Variants in IGSF21 observed in about 807,000 individuals in gnomAD.
The protein encoded by IGSF21 is immunoglobulin superfamily member 21.
IGSF21 carries 28 observed loss-of-function variants against 46.8 expected under a neutral mutation model. The observed-to-expected ratio is 0.60, with a 90% CI of 0.44 to 0.82. The LOEUF (loss-of-function observed/expected upper bound fraction) is 0.82. IGSF21 is among the 40% of genes least tolerant of loss of function. The probability of loss-of-function intolerance (pLI) is 0.00; values close to 1 mark genes in which losing one functional copy is unlikely to be tolerated. For synonymous variants in IGSF21, 284 were observed against 273.6 expected (o/e 1.04, Z -0.38); for missense variants, 624 against 665.5 (o/e 0.94, Z 0.69).
chr1:18,178,187 C>T (rs890549891), intron 1 of IGSF21, among the ~76,000 whole-genome samples: 3 of 152,144 alleles, frequency 2.0e-5, no homozygotes, highest in Non-Finnish European at 4.4e-5. Flanking sequence ...CCATCGTGTC[C>T]TGTTGACCTG....
intron 6 of IGSF21, among the ~76,000 whole-genome samples, chr1:18,366,445 C>T (rs1166377774): frequency 6.6e-6 from 1 of 151,900 alleles, no homozygotes; most frequent in Non-Finnish European, 1.5e-5. Context: ...TCATGGCATG[C>T]TCAGGGGAGT....
At chr1:18,260,318 T>C (rs2084934799) in intron 2 of IGSF21, among the ~76,000 whole-genome samples, 1 of 152,218 alleles carries the variant, frequency 6.6e-6, no homozygotes, top group Non-Finnish European at 1.5e-5. Flanking sequence ...CAGGAGAGCT[T>C]TGTCTTATCT....
At chr1:18,243,073 A>T (rs1265707030) in intron 2 of IGSF21, among the ~76,000 whole-genome samples, 1 of 152,180 alleles carries the variant, frequency 6.6e-6, no homozygotes, top group Non-Finnish European at 1.5e-5. Flanking sequence ...GAGGGCAATC[A>T]GGGACCTATG....
chr1:18,168,240 A>C (rs1422418022), intron 1 of IGSF21, among the ~76,000 whole-genome samples: 1 of 152,182 alleles, frequency 6.6e-6, no homozygotes, highest in Non-Finnish European at 1.5e-5. Context: ...TATATATAAT[A>C]ACCCTTAAAC....
chr1:18,148,287 T>C (rs9727479), intron 1 of IGSF21, among the ~76,000 whole-genome samples: 142,303 of 151,714 alleles, frequency 0.94, 67,275 homozygotes, highest in Non-Finnish European at 1. Context: ...CCCACCACCA[T>C]GCCCAGCTAA....
At chr1:18,161,175 C>T (rs2086618137) in intron 1 of IGSF21, among the ~76,000 whole-genome samples, 2 of 152,162 alleles carry the variant, frequency 1.3e-5, no homozygotes, top group Non-Finnish European at 2.9e-5. Flanking sequence ...TTTAGCACGG[C>T]CAGCCTCAGC....
At chr1:18,126,034 T>A (rs1162032214) in intron 1 of IGSF21, among the ~76,000 whole-genome samples, 1 of 152,046 alleles carries the variant, frequency 6.6e-6, no homozygotes, top group Non-Finnish European at 1.5e-5. Context: ...GAGAGCTGAG[T>A]GGGGCCTTGA....
At chr1:18,177,396 T>TG (rs1557573385) in intron 1 of IGSF21, among the ~76,000 whole-genome samples, 1 of 33,082 alleles carries the variant, frequency 3.0e-5, no homozygotes, top group Non-Finnish European at 8.3e-5. Flanking sequence ...CAGTGAGGTG[T>TG]GTGTGTGTGT....
intron 3 of IGSF21, among the ~76,000 whole-genome samples, chr1:18,318,791 GT>G (rs1272489425): frequency 6.6e-6 from 1 of 152,142 alleles, no homozygotes; most frequent in Non-Finnish European, 1.5e-5. Context: ...TTAAAACTAT[GT>G]TTTTAATTAA....
intron 1 of IGSF21, among the ~76,000 whole-genome samples, chr1:18,184,778 T>A (rs757946568): frequency 6.6e-6 from 1 of 152,162 alleles, no homozygotes; most frequent in Non-Finnish European, 1.5e-5. Flanking sequence ...CCACCAGTTA[T>A]CCCTTATATG....
intron 1 of IGSF21, among the ~76,000 whole-genome samples, chr1:18,158,995 G>T (rs555391026): frequency 1.3e-5 from 2 of 152,258 alleles, no homozygotes; most frequent in African/African-American, 4.8e-5. Flanking sequence ...GCTCTGCTAG[G>T]GTGGCACCTC....
At chr1:18,323,824 G>C (rs943034305) in intron 3 of IGSF21, among the ~76,000 whole-genome samples, 1 of 152,166 alleles carries the variant, frequency 6.6e-6, no homozygotes, top group Non-Finnish European at 1.5e-5. Flanking sequence ...TTTCAGGTTG[G>C]GGGGCGGTGA....
intron 4 of IGSF21, among the ~76,000 whole-genome samples, chr1:18,344,211 C>A (rs2085870539): frequency 6.6e-6 from 1 of 152,190 alleles, no homozygotes; most frequent in African/African-American, 2.4e-5. Flanking sequence ...CTCTGTCACC[C>A]AGGCTGGAGT....
At chr1:18,223,929 C>G (rs2084536564) in intron 1 of IGSF21, among the ~76,000 whole-genome samples, 1 of 152,194 alleles carries the variant, frequency 6.6e-6, no homozygotes, top group African/African-American at 2.4e-5. Context: ...CATTTCTCCT[C>G]CTGGCTGCTA....
intron 1 of IGSF21, 44 bp downstream of exon 1, chr1:18,108,242 G>A: frequency 7.6e-7 from 1 of 1,318,884 alleles, no homozygotes; most frequent in Non-Finnish European, 9.6e-7. Context: ...GTGAACGTGC[G>A]CGGGGACGGG....
At chr1:18,145,764 CT>C (rs2086459805) in intron 1 of IGSF21, among the ~76,000 whole-genome samples, 1 of 152,216 alleles carries the variant, frequency 6.6e-6, no homozygotes, top group Admixed American at 6.5e-5. Context: ...CGCAGGGCAC[CT>C]GCCGGCTGAG....
intron 1 of IGSF21, among the ~76,000 whole-genome samples, chr1:18,146,482 C>G (rs1292919191): frequency 6.6e-6 from 1 of 152,098 alleles, no homozygotes; most frequent in Non-Finnish European, 1.5e-5. Context: ...CCTGGGCCCT[C>G]CTGGGATCAC....
At chr1:18,343,200 A>G (rs1378034356) in intron 4 of IGSF21, among the ~76,000 whole-genome samples, 1 of 152,238 alleles carries the variant, frequency 6.6e-6, no homozygotes, top group Non-Finnish European at 1.5e-5. Context: ...AGGGCCAATG[A>G]CACTGTACGT....
chr1:18,235,257 C>T (rs558434041), intron 2 of IGSF21, among the ~76,000 whole-genome samples: 6 of 152,326 alleles, frequency 3.9e-5, no homozygotes, highest in African/African-American at 1.4e-4. Context: ...CTGTTCCATG[C>T]ACTCATCCAA....
Sources: gnomAD v4.1 joint callset for allele counts (sites outside exome capture counted in the v4.1 genomes callset) on GRCh38, gnomAD v4.1.1 for gene constraint, MANE v1.5 for transcripts, NCBI Gene and HGNC (gene_info 2026-07-23, HGNC 2026-07-21) for gene names.